Variants in SPAG16 observed in about 807,000 individuals in gnomAD.
SPAG16 encodes sperm-associated antigen 16 protein.
Under a neutral mutation model 80.4 loss-of-function variants are expected in SPAG16, and 86 were observed. The ratio of observed to expected loss-of-function variants is 1.07; its 90% CI spans 0.90 to 1.28. The LOEUF is 1.28. Among genes scored for constraint, SPAG16 ranks in the 50% most tolerant of loss-of-function variants. The probability of loss-of-function intolerance (pLI) is 0.00; values close to 1 mark genes in which losing one functional copy is unlikely to be tolerated. For missense variants in SPAG16, 870 were observed against 765.3 expected, an observed-to-expected ratio of 1.14 and a Z score of -1.61; for synonymous variants, 294 against 265.9, an observed-to-expected ratio of 1.11 and a Z score of -1.03.
chr2:214,081,103 A>G (rs902830479), intron 13 of SPAG16, among the ~76,000 whole-genome samples: 1 of 150,778 alleles, frequency 6.6e-6, no homozygotes, highest in Non-Finnish European at 1.5e-5. Flanking sequence ...ATATAATATT[A>G]GAATTTAAAT....
chr2:214,176,430 C>T (rs1352214951), intron 15 of SPAG16, among the ~76,000 whole-genome samples: 3 of 151,078 alleles, frequency 2.0e-5, no homozygotes, highest in Admixed American at 1.3e-4. Context: ...TTAATATGCC[C>T]CTCTTATCTG....
intron 9 of SPAG16, among the ~76,000 whole-genome samples, chr2:213,408,946 T>C (rs1478532062): frequency 6.6e-6 from 1 of 152,190 alleles, no homozygotes; most frequent in Non-Finnish European, 1.5e-5. Context: ...TAACACGTAT[T>C]ATCCTAACTT....
intron 12 of SPAG16, among the ~76,000 whole-genome samples, chr2:213,932,729 G>A (rs2078819852): frequency 6.6e-6 from 1 of 152,040 alleles, no homozygotes; most frequent in African/African-American, 2.4e-5. Flanking sequence ...TCACCAAAAA[G>A]TTGGATCACT....
rs897422542 is a variant in SPAG16 at position 213,347,737 on chromosome 2, T to C, written c.645-2791T>C. Among the ~76,000 whole-genome samples the C allele has an allele frequency of 3.3e-5, 5 of 152,242 alleles. No homozygotes were observed. In the East Asian group the frequency reaches 9.6e-4, roughly 29 times the overall value. ...ATCCTGAGTTCTAGTTTGACTGCACTGTGGTCTGAGAGATAGTTTGTTATA... is the reference window on the plus strand; with the variant it reads ...ATCCTGAGTTCTAGTTTGACTGCACCGTGGTCTGAGAGATAGTTTGTTATA... On this transcript the variant is annotated intron_variant, in intron 6 of 15. Coordinates refer to ENST00000331683, the MANE Select transcript of SPAG16 (RefSeq NM_024532.5).
At chr2:214,043,832 C>T (rs1437128396) in intron 13 of SPAG16, among the ~76,000 whole-genome samples, 3 of 152,110 alleles carry the variant, frequency 2.0e-5, no homozygotes, top group African/African-American at 7.2e-5. Flanking sequence ...ATATTTAATA[C>T]TATATATGTT....
chr2:213,295,580 G>A (rs754989252), intron 1 of SPAG16, among the ~76,000 whole-genome samples: 13 of 151,834 alleles, frequency 8.6e-5, no homozygotes, highest in South Asian at 4.1e-4. Flanking sequence ...AAATATTGGC[G>A]TGCATTTGTT....
chr2:214,124,222 G>C (rs952171424), intron 14 of SPAG16, among the ~76,000 whole-genome samples: 1 of 150,086 alleles, frequency 6.7e-6, no homozygotes, highest in Non-Finnish European at 1.5e-5. Context: ...CCCCATGATT[G>C]TTTTGAGCAT....
intron 15 of SPAG16, among the ~76,000 whole-genome samples, chr2:214,274,011 C>T (rs1465346930): frequency 6.6e-6 from 1 of 152,190 alleles, no homozygotes; most frequent in East Asian, 1.9e-4. Flanking sequence ...AGGCCCTTCA[C>T]ATCCCTTGTA....
chr2:213,743,964 C>T (rs2067698251), intron 10 of SPAG16, among the ~76,000 whole-genome samples: 1 of 152,144 alleles, frequency 6.6e-6, no homozygotes. Flanking sequence ...TTTTCTGCTT[C>T]GTGGTACCTT....
intron 11 of SPAG16, among the ~76,000 whole-genome samples, chr2:213,920,767 G>A (rs929503667): frequency 2.6e-5 from 4 of 152,324 alleles, no homozygotes; most frequent in Admixed American, 1.3e-4. Flanking sequence ...TAGGGATAAT[G>A]TCTCCTGTGG....
chr2:213,870,654 T>C (rs2075911423), intron 11 of SPAG16, among the ~76,000 whole-genome samples: 1 of 152,168 alleles, frequency 6.6e-6, no homozygotes, highest in Admixed American at 6.6e-5. Flanking sequence ...AGAAAATATA[T>C]ATAAAGCATT....
chr2:213,958,449 AC>A (rs2106343670), intron 12 of SPAG16, among the ~76,000 whole-genome samples: 1 of 152,218 alleles, frequency 6.6e-6, no homozygotes, highest in South Asian at 2.1e-4. Flanking sequence ...GCAAAGTGTG[AC>A]TAAGCCCCGC....
intron 10 of SPAG16, among the ~76,000 whole-genome samples, chr2:213,701,385 G>C (rs923313698): frequency 2.0e-5 from 3 of 152,106 alleles, no homozygotes; most frequent in Non-Finnish European, 1.5e-5. Flanking sequence ...CAATGATAAC[G>C]AGAGGTGCCA....
chr2:214,059,121 G>C (rs71428316), intron 13 of SPAG16, among the ~76,000 whole-genome samples: 18,931 of 148,912 alleles, frequency 0.13, 1,401 homozygotes, highest in East Asian at 0.25. Context: ...AGGTTGCAGT[G>C]AGCCAAGATC....
At chr2:214,260,620 T>C (rs1691074875) in intron 15 of SPAG16, among the ~76,000 whole-genome samples, 1 of 152,198 alleles carries the variant, frequency 6.6e-6, no homozygotes, top group Non-Finnish European at 1.5e-5. Context: ...TCTTGTTCTC[T>C]CTCTCAGCTA....
intron 9 of SPAG16, chr2:213,396,709 G>T (rs2068053524): frequency 2.2e-6 from 1 of 448,524 alleles, no homozygotes; most frequent in Non-Finnish European, 4.5e-6. Flanking sequence ...CCATCTTCAG[G>T]ACATTTGTCA....
chr2:213,944,898 C>T (rs112725928), intron 12 of SPAG16, among the ~76,000 whole-genome samples: 117 of 151,916 alleles, frequency 7.7e-4, no homozygotes, highest in Middle Eastern at 3.4e-3. Flanking sequence ...ATTAGCCGGG[C>T]GTGGGGGCGT....
At chr2:213,883,461 C>G (rs1269451061) in intron 11 of SPAG16, among the ~76,000 whole-genome samples, 1 of 152,068 alleles carries the variant, frequency 6.6e-6, no homozygotes, top group Non-Finnish European at 1.5e-5. Context: ...ATTCCATGTG[C>G]AGATGAAAAA....
chr2:213,712,398 C>A (rs1407346075), intron 10 of SPAG16, among the ~76,000 whole-genome samples: 1 of 152,090 alleles, frequency 6.6e-6, no homozygotes, highest in Non-Finnish European at 1.5e-5. Context: ...TAAAAAGAGA[C>A]TTCTACCCAT....
Sources: gnomAD v4.1 joint callset for allele counts (sites outside exome capture counted in the v4.1 genomes callset) on GRCh38, gnomAD v4.1.1 for gene constraint, MANE v1.5 for transcripts, NCBI Gene and HGNC (gene_info 2026-07-23, HGNC 2026-07-21) for gene names.